The following C16orf89 variants were observed in gnomAD, a reference collection of about 807,000 sequenced individuals.
C16orf89 encodes UPF0764 protein C16orf89.
Under a neutral mutation model 41.5 loss-of-function variants are expected in C16orf89, and 57 were observed. That is an observed-to-expected ratio of 1.38 (90% CI 1.11 to 1.71). The LOEUF (loss-of-function observed/expected upper bound fraction) is 1.71, where lower values mean the gene tolerates loss of function less well. C16orf89 is among the 40% of genes most tolerant of loss of function. The pLI, the probability that C16orf89 is intolerant of heterozygous loss-of-function variation, is 0.00. For missense variants in C16orf89, 575 were observed against 445.9 expected (o/e 1.29, Z -2.61); for synonymous variants, 223 against 190.6 (o/e 1.17, Z -1.40).
intron 2 of C16orf89, among the ~76,000 whole-genome samples, chr16:5,060,902 G>C (rs1956604285): frequency 6.9e-6 from 1 of 143,936 alleles, no homozygotes; most frequent in Non-Finnish European, 1.5e-5. Context: ...CAGGAAGGTT[G>C]CTTGAGTCTA....
Position 5,047,960 on chromosome 16 carries a change from A to G in C16orf89, c.873T>C (p.Ala291=). 6.4e-7 allele frequency: 1 copy of G among 1,562,982 alleles called. No individual in the cohort carries two copies. The highest frequency in any genetic ancestry group is 8.8e-7 in the Non-Finnish European group (1 of 1,135,302). ...QQEGCFGEPD[A]EDEELSKAIQ... ...TAGCTTTAGATAATTCTTCATCTTCAGCATCTGGGAGAAGAGCAAAAGTTG... is the reference window on the plus strand; with the variant it reads ...TAGCTTTAGATAATTCTTCATCTTCGGCATCTGGGAGAAGAGCAAAAGTTG... The change falls in exon 7 of 8, where the codon GCT becomes GCC. Residue 291 remains alanine (A), a synonymous_variant. Coordinates refer to ENST00000472572, the MANE Select transcript of C16orf89 (RefSeq NM_001098514.3).
chr16:5,060,460 G>T, intron 2 of C16orf89, 24 bp from the exon 3 acceptor site: 28 of 1,603,640 alleles, frequency 1.7e-5, no homozygotes, highest in Non-Finnish European at 2.4e-5. Flanking sequence ...CAGATAGATG[G>T]GGTGGGGTGT....
intron 7 of C16orf89, among the ~76,000 whole-genome samples, chr16:5,046,365 T>G (rs1046049727): frequency 9.9e-5 from 15 of 151,500 alleles, no homozygotes; most frequent in African/African-American, 3.4e-4. Flanking sequence ...ATTATAATTA[T>G]TTTTGAGACA....
chr16:5,054,692 C>T (rs116795257), intron 6 of C16orf89, among the ~76,000 whole-genome samples: 2,353 of 152,252 alleles, frequency 0.015, 62 homozygotes, highest in African/African-American at 0.054. Context: ...CCCATAATTT[C>T]CATGTGCTGT....
intron 6 of C16orf89, among the ~76,000 whole-genome samples, chr16:5,054,897 C>T (rs1347783110): frequency 1.3e-5 from 2 of 152,178 alleles, no homozygotes; most frequent in South Asian, 2.1e-4. Flanking sequence ...GCCTCCCCAG[C>T]AGTGTGCAAC....
At chr16:5,055,437 C>T in intron 5 of C16orf89, 87 bp from the exon 6 acceptor site, 1 of 1,268,356 alleles carries the variant, frequency 7.9e-7, no homozygotes, top group Non-Finnish European at 1.1e-6. Context: ...TGCCACCTGC[C>T]TTCATCTGCC....
At position 5,060,095 on chromosome 16, in the gene C16orf89, C is replaced by T. The variant is rs973785648; in HGVS notation, c.509+191G>A. ...GGCCTGCTGTGGCATGGGAGGCCAG[C>T]GGGCGGCTGGAGCAAGGGGGACCCT... On this transcript the variant is annotated intron_variant, in intron 3 of 7. Transcript: ENST00000472572. The T allele has an allele frequency of 4.8e-5, 27 of 562,386 alleles. No homozygotes were observed. The Admixed American group carries it at 8.4e-4, about 18-fold the overall frequency. The allele number at this position is 562,386 out of a possible 1,614,324, so 34.8% of individuals were successfully genotyped here. A position where few individuals can be genotyped will look rare whatever the true frequency, so the allele number is the denominator to read the frequency against.
At chr16:5,046,487 A>G (rs1353520988) in intron 7 of C16orf89, among the ~76,000 whole-genome samples, 2 of 151,842 alleles carry the variant, frequency 1.3e-5, no homozygotes, top group South Asian at 2.1e-4. Context: ...AGGTAGCGGG[A>G]TTACAGGCAT....
chr16:5,042,899 G>C (rs901821048), downstream of C16orf89: 7 of 152,264 alleles, frequency 4.6e-5, no homozygotes, highest in African/African-American at 1.7e-4. This position sits in a 1 kb window ranked among gnomAD's most constrained non-coding sequence, Gnocchi z 4.2. Flanking sequence ...CGATGACAAG[G>C]CAGCGGCCTC....
downstream of C16orf89, chr16:5,044,109 A>G (rs3743839): frequency 2.5e-4 from 301 of 1,220,562 alleles, 2 homozygotes; most frequent in East Asian, 0.011. Context: ...GAGAAACAAG[A>G]CTCAACCCTG....
At chr16:5,065,097 G>T (rs1276805618) in intron 1 of C16orf89, among the ~76,000 whole-genome samples, 2 of 152,120 alleles carry the variant, frequency 1.3e-5, no homozygotes, top group Non-Finnish European at 2.9e-5. Context: ...ATGCGTGCTT[G>T]TGTGTGTGAT....
intron 6 of C16orf89, among the ~76,000 whole-genome samples, chr16:5,050,097 G>A (rs1001993770): frequency 3.3e-5 from 5 of 152,144 alleles, no homozygotes; most frequent in African/African-American, 1.2e-4. Context: ...GCTGGGTGTG[G>A]TGGCTCATGC....
At chr16:5,057,342 T>G (rs1434190795) in intron 4 of C16orf89, among the ~76,000 whole-genome samples, 1 of 146,828 alleles carries the variant, frequency 6.8e-6, no homozygotes, top group Non-Finnish European at 1.5e-5. Flanking sequence ...ATATATATAG[T>G]GGTATATATA....
At position 5,044,413 on chromosome 16, in the gene C16orf89, C is replaced by T. The variant is rs373086393; in HGVS notation, c.1021G>A (p.Ala341Thr). ...AALGGFLYIL[A>T]EYPPANREPH... ...TCTCTGTTTGCTGGGGGGTATTCTG[C>T]CAGGATGTATAGGAAGCCACCCAGG... The change falls in exon 8 of 8, where the codon GCA (alanine) becomes ACA (threonine). Residue 341 changes from alanine (A) to threonine (T), a missense_variant. By Grantham distance (58) the Ala-to-Thr change is moderately conservative. Transcript: ENST00000472572. The T allele has an allele frequency of 9.3e-6, 15 of 1,612,762 alleles. No homozygotes were observed. In the African/African-American group the frequency reaches 1.3e-4, roughly 14 times the overall value.
rs539033542 is a variant in C16orf89 at position 5,063,164 on chromosome 16, C to T, written c.209-590G>A. Among the ~76,000 whole-genome samples, 8 of 152,202 alleles carry T rather than the reference C, an allele frequency of 5.3e-5. No homozygotes were observed. In the South Asian group the frequency reaches 1.0e-3, roughly 20 times the overall value. On this transcript the variant is annotated intron_variant, in intron 1 of 7. Coordinates refer to ENST00000472572, the MANE Select transcript of C16orf89 (RefSeq NM_001098514.3). ...TTGGGGAGACATGAGTGAGAACATC[C>T]GAGTGAGAGCATTCACGCAGGGCTG...
chr16:5,056,873 C>A (rs1317766847), intron 4 of C16orf89, among the ~76,000 whole-genome samples: 4 of 152,164 alleles, frequency 2.6e-5, no homozygotes, highest in African/African-American at 4.8e-5. Flanking sequence ...AGTGTCTCCT[C>A]AGCTAAGGAT....
At chr16:5,052,735 T>C (rs1236192761) in intron 6 of C16orf89, among the ~76,000 whole-genome samples, 1 of 152,108 alleles carries the variant, frequency 6.6e-6, no homozygotes, top group African/African-American at 2.4e-5. Flanking sequence ...GTCAAAAAGC[T>C]AAAAATAGGA....
rs76092527 is a variant in C16orf89, at chr16:5,061,953, G to C, written c.358+472C>G. ...GAGAGAGACTCTCAGTGGTCATAAG[G>C]CATGAGAAAGATAAACCCCACTGTT... On this transcript the variant is annotated intron_variant, in intron 2 of 7. Coordinates refer to ENST00000472572, the MANE Select transcript of C16orf89 (RefSeq NM_001098514.3). Among the ~76,000 whole-genome samples the C allele has an allele frequency of 3.4e-4, 52 of 152,282 alleles. 1 individual carries two copies. The highest frequency in any genetic ancestry group is 3.3e-3 in the East Asian group (17 of 5,182).
Position 5,058,595 on chromosome 16 carries a change from C to T in C16orf89, c.525G>A (p.Glu175=), listed in dbSNP as rs749711194. ...QLLGTGTDSS[E]PCGLSDLCRS... is the part of the protein sequence containing the mutation. ...TGCAGAGGTCTGAGAGGCCGCAGGG[C>T]TCGCTGCTGTCCGTCCTGGGGGAAA... The change falls in exon 4 of 8, where the codon GAG becomes GAA. Residue 175 remains glutamate, a synonymous_variant. Transcript: ENST00000472572. 3.2e-5 allele frequency: 52 copies of T among 1,611,658 alleles called. No individual in the cohort carries two copies. The highest frequency in any genetic ancestry group is 4.5e-5 in the East Asian group (2 of 44,454).
Sources: allele counts gnomAD v4.1 joint callset (sites outside exome capture counted in the v4.1 genomes callset), GRCh38; gene constraint gnomAD v4.1.1; non-coding constraint Gnocchi (gnomAD v3.1); transcripts MANE v1.5; gene names NCBI Gene and HGNC (gene_info 2026-07-23, HGNC 2026-07-21).